The following GINS2 variants were observed in gnomAD, a reference collection of about 807,000 sequenced individuals.
GINS2 encodes GINS complex subunit 2.
GINS2 carries 23 observed loss-of-function variants against 21.2 expected under a neutral mutation model. The observed-to-expected ratio is 1.08, with a 90% CI of 0.78 to 1.53. The LOEUF is 1.53. Among genes scored for constraint, GINS2 ranks in the 40% most tolerant of loss-of-function variants. The pLI, the probability that GINS2 is intolerant of heterozygous loss-of-function variation, is 0.00. For missense variants in GINS2, 323 were observed against 233.9 expected (o/e 1.38, Z -2.49); for synonymous variants, 118 against 85.6 (o/e 1.38, Z -2.09).
rs779818224 is a variant in GINS2, at chr16:85,687,559, A to G, written c.106T>C (p.Phe36Leu). 6.4e-7 allele frequency: 1 copy of G among 1,569,296 alleles called. No individual in the cohort carries two copies. Among genetic ancestry groups the G allele is most frequent in the Non-Finnish European group, 8.6e-7 (1 of 1,163,530 alleles). ...IYLIGGDLGP[F>L]NPGLPVEVPL... ...ACTTCCACGGGTAAACCAGGGTTAAAAGGCCCCAGGTCCCCCTGCCAAAAG... is the reference window on the plus strand; with the variant it reads ...ACTTCCACGGGTAAACCAGGGTTAAGAGGCCCCAGGTCCCCCTGCCAAAAG... Residue 36 changes from phenylalanine (F) to leucine (L), a missense_variant, in exon 2 of 5, where the codon TTT becomes CTT. Coordinates refer to ENST00000253462, the MANE Select transcript of GINS2 (RefSeq NM_016095.3).
Position 85,682,021 on chromosome 16 carries a change from C to CTTTT in GINS2, c.206-344_206-341dup, listed in dbSNP as rs56847154. Among the ~76,000 whole-genome samples, 6 of 73,368 alleles carry CTTTT rather than the reference C, an allele frequency of 8.2e-5. 2 individuals carry two copies. The highest frequency in any genetic ancestry group is 2.9e-4 in the African/African-American group (5 of 17,118). 48.1% of individuals were successfully genotyped at this position (73,368 alleles called of 152,430 possible). ...CAGCAAAGTGATTTACCTTTACCGC[C>CTTTT]TTTTTTTTTTTTTTTTTTTTTTTTT... On this transcript the variant is annotated intron_variant, in intron 2 of 4. Transcript: ENST00000253462.
At chr16:85,685,864 G>A (rs1324020471) in intron 2 of GINS2, among the ~76,000 whole-genome samples, 11 of 150,900 alleles carry the variant, frequency 7.3e-5, no homozygotes, top group Non-Finnish European at 1.2e-4. Flanking sequence ...CCCCCAATAA[G>A]TCCCAGTAAG....
intron 2 of GINS2, among the ~76,000 whole-genome samples, chr16:85,685,769 A>G (rs1461988622): frequency 6.6e-6 from 1 of 151,364 alleles, no homozygotes; most frequent in East Asian, 1.9e-4. Flanking sequence ...TAGGACAGGG[A>G]GCAAGGGGAA....
chr16:85,678,086 C>G lies in GINS2; in HGVS notation c.*126G>C. ...TTGTTTCTCCAACAACATCCTGAATCCATTCCTTGCACCATCACACATTTT... is the reference window on the plus strand; with the variant it reads ...TTGTTTCTCCAACAACATCCTGAATGCATTCCTTGCACCATCACACATTTT... On this transcript the variant is annotated 3_prime_UTR_variant, in exon 5 of 5. Coordinates refer to ENST00000253462, the MANE Select transcript of GINS2 (RefSeq NM_016095.3). The G allele has an allele frequency of 1.2e-6, 1 of 801,592 alleles. No homozygotes were observed. The highest frequency in any genetic ancestry group is 2.0e-6 in the Non-Finnish European group (1 of 491,960). The allele number at this position is 801,592 out of a possible 1,614,324, so 49.7% of individuals were successfully genotyped here.
At position 85,676,971 on chromosome 16, in the gene GINS2, T is replaced by G. The variant is rs1036787404; in HGVS notation, c.*1241A>C. ...CCTCCGCCTCTCGGGTTCAAGCGATTCTCCTGCCTCAGCCTCCCGAGTAGC... is the reference window on the plus strand; with the variant it reads ...CCTCCGCCTCTCGGGTTCAAGCGATGCTCCTGCCTCAGCCTCCCGAGTAGC... On this transcript the variant is annotated 3_prime_UTR_variant, in exon 5 of 5. Coordinates refer to ENST00000253462, the MANE Select transcript of GINS2 (RefSeq NM_016095.3). 6.6e-6 allele frequency: 1 copy of G among 152,276 alleles called. No individual in the cohort carries two copies. The highest frequency in any genetic ancestry group is 1.5e-5 in the Non-Finnish European group (1 of 68,110). The allele number at this position is 152,276 out of a possible 1,614,324, so 9.4% of individuals were successfully genotyped here. A position where few individuals can be genotyped will look rare whatever the true frequency, so the allele number is the denominator to read the frequency against.
chr16:85,685,685 A>AAAAAAAAAAAAAAAAAAAC (rs56405044), intron 2 of GINS2, among the ~76,000 whole-genome samples: 14 of 120,876 alleles, frequency 1.2e-4, no homozygotes, highest in East Asian at 2.3e-4. Flanking sequence ...AAAAAAAAAA[A>AAAAAAAAAAAAAAAAAAAC]AAAAAACCGT....
rs779818224 is a variant in GINS2 at position 85,687,559 on chromosome 16, A to C, written c.106T>G (p.Phe36Val). ...ACTTCCACGGGTAAACCAGGGTTAA[A>C]AGGCCCCAGGTCCCCCTGCCAAAAG... ...IYLIGGDLGP[F>V]NPGLPVEVPL... is the part of the protein sequence containing the mutation. The change falls in exon 2 of 5, where the codon TTT (phenylalanine) becomes GTT (valine). Residue 36 changes from phenylalanine (F) to valine (V), a missense_variant. Coordinates refer to ENST00000253462, the MANE Select transcript of GINS2 (RefSeq NM_016095.3). 2 of 1,569,296 alleles carry C rather than the reference A, an allele frequency of 1.3e-6. No individual in the cohort carries two copies. Among genetic ancestry groups the C allele is most frequent in the South Asian group, 2.4e-5 (2 of 83,878 alleles).
At position 85,677,552 on chromosome 16, in the gene GINS2, G is replaced by C. The variant is rs1304620376; in HGVS notation, c.*660C>G. 1 of 152,284 alleles carries C rather than the reference G, an allele frequency of 6.6e-6. No individual in the cohort carries two copies. 9.4% of individuals were successfully genotyped at this position (152,284 alleles called of 1,614,324 possible). On this transcript the variant is annotated 3_prime_UTR_variant, in exon 5 of 5. Coordinates refer to ENST00000253462, the MANE Select transcript of GINS2 (RefSeq NM_016095.3). ...GCCAAGAGAAGGAGACACCCCAGGTGTTGGTCTGCAGTTTCCACTTAACTG... is the reference window on the plus strand; with the variant it reads ...GCCAAGAGAAGGAGACACCCCAGGTCTTGGTCTGCAGTTTCCACTTAACTG...
Position 85,677,981 on chromosome 16 carries a change from G to A in GINS2, c.*231C>T. 1 of 465,088 alleles carries A rather than the reference G, an allele frequency of 2.2e-6. No individual in the cohort carries two copies. The highest frequency in any genetic ancestry group is 3.9e-5 in the East Asian group (1 of 25,820). The allele number at this position is 465,088 out of a possible 1,614,324, so 28.8% of individuals were successfully genotyped here. A position where few individuals can be genotyped will look rare whatever the true frequency, so the allele number is the denominator to read the frequency against. ...CTTTTTTATTTCTCAAAAGTGGGGG[G>A]AAAAAGGGCTGGTTTCTAGAAACAG... is the stretch of plus-strand genomic sequence containing the variant. On this transcript the variant is annotated 3_prime_UTR_variant, in exon 5 of 5. Coordinates refer to ENST00000253462, the MANE Select transcript of GINS2 (RefSeq NM_016095.3).
chr16:85,678,404 T>C lies in GINS2; in HGVS notation c.433-67A>G, dbSNP rs1723611538. 8.9e-6 allele frequency: 14 copies of C among 1,580,618 alleles called. No individual in the cohort carries two copies. In the South Asian group the frequency reaches 1.6e-4, roughly 18 times the overall value. The stretch of plus-strand genomic sequence containing the variant: ...ATTTTGAGAAAAAGGTAAACTCTAC[T>C]GAATAAAAATAAGAAACCAATGAAC... On this transcript the variant is annotated intron_variant, in intron 4 of 4. Coordinates refer to ENST00000253462, the MANE Select transcript of GINS2 (RefSeq NM_016095.3).
chr16:85,685,670 C>CA (rs752631926), intron 2 of GINS2, among the ~76,000 whole-genome samples: 753 of 55,236 alleles, frequency 0.014, 30 homozygotes, highest in South Asian at 0.015. Context: ...GACCCTTTCT[C>CA]AAAAAAAAAA....
At position 85,676,211 on chromosome 16, in the gene GINS2, A is replaced by G. The variant is rs1250253252; in HGVS notation, c.*2001T>C. On this transcript the variant is annotated 3_prime_UTR_variant, in exon 5 of 5. Coordinates refer to ENST00000253462, the MANE Select transcript of GINS2 (RefSeq NM_016095.3). ...AATCTTCCTAAATTATGTTAAGAGG[A>G]AAATCTTTTTTATGATATAAAACAA... 2 of 152,662 alleles carry G rather than the reference A, an allele frequency of 1.3e-5. No individual in the cohort carries two copies. The highest frequency in any genetic ancestry group is 4.8e-5 in the African/African-American group (2 of 41,468). The allele number at this position is 152,662 out of a possible 1,614,324, so 9.5% of individuals were successfully genotyped here.
intron 2 of GINS2, among the ~76,000 whole-genome samples, chr16:85,686,000 A>C (rs938367717): frequency 4.2e-5 from 6 of 141,926 alleles, no homozygotes; most frequent in Admixed American, 4.2e-4. Context: ...AACACACACA[A>C]AAAAATTAAG....
At chr16:85,680,925 G>A (rs948024118) in intron 3 of GINS2, among the ~76,000 whole-genome samples, 2 of 152,242 alleles carry the variant, frequency 1.3e-5, no homozygotes, top group South Asian at 2.1e-4. Flanking sequence ...TCAGGTAGAC[G>A]AGAGGGAAGA....
chr16:85,687,762 G>C (rs146417921), intron 1 of GINS2, 188 bp from the exon 2 acceptor site: 1 of 483,010 alleles, frequency 2.1e-6, no homozygotes, highest in Non-Finnish European at 3.7e-6. Context: ...ACCTGCGAGC[G>C]TGGGGCTCAG....
At chr16:85,686,650 C>G (rs1339488247) in intron 2 of GINS2, among the ~76,000 whole-genome samples, 3 of 152,196 alleles carry the variant, frequency 2.0e-5, no homozygotes, top group Non-Finnish European at 4.4e-5. Flanking sequence ...CTATTCTAGA[C>G]AGTTGATAGA....
intron 3 of GINS2, among the ~76,000 whole-genome samples, chr16:85,679,748 A>G (rs1009149209): frequency 6.6e-6 from 1 of 152,162 alleles, no homozygotes; most frequent in Non-Finnish European, 1.5e-5. Flanking sequence ...GCTAATGCCA[A>G]ATTCTTACCT....
intron 2 of GINS2, among the ~76,000 whole-genome samples, chr16:85,681,993 A>C (rs1251459045): frequency 6.7e-6 from 1 of 148,478 alleles, no homozygotes; most frequent in Admixed American, 6.7e-5. Context: ...TTTTTTAGGG[A>C]AACAGCAAAG....
chr16:85,679,429 C>T (rs2053713856), intron 3 of GINS2, among the ~76,000 whole-genome samples: 1 of 152,248 alleles, frequency 6.6e-6, no homozygotes, highest in Non-Finnish European at 1.5e-5. Flanking sequence ...TATTGTTCGT[C>T]ACTAGGCATT....
Sources: gnomAD v4.1 joint callset for allele counts (sites outside exome capture counted in the v4.1 genomes callset) on GRCh38, gnomAD v4.1.1 for gene constraint, MANE v1.5 for transcripts, NCBI Gene and HGNC (gene_info 2026-07-23, HGNC 2026-07-21) for gene names.